The following PDE1A variants were observed in gnomAD, a reference collection of about 807,000 sequenced individuals.
The protein encoded by PDE1A is dual specificity calcium/calmodulin-dependent 3',5'-cyclic nucleotide phosphodiesterase 1A.
A neutral mutation model predicts 61.7 loss-of-function variants in PDE1A; 35 were observed. The observed-to-expected ratio is 0.57, with a 90% CI of 0.43 to 0.75. The LOEUF (loss-of-function observed/expected upper bound fraction) is 0.75. PDE1A is among the 30% of genes least tolerant of loss of function. The pLI, the probability that PDE1A is intolerant of heterozygous loss-of-function variation, is 0.00. For synonymous variants in PDE1A, 232 were observed against 213.2 expected (o/e 1.09, Z -0.77); for missense variants, 597 against 630.6 (o/e 0.95, Z 0.57).
the PDE1A span, among the ~76,000 whole-genome samples, chr2:182,620,200 CAATT>C: frequency 3.3e-5 from 5 of 151,516 alleles, no homozygotes; most frequent in Admixed American, 1.3e-4. Context: ...TAATAAATAA[CAATT>C]AATTGAGTCA....
At chr2:182,163,951 A>G (rs905769089), downstream of PDE1A, among the ~76,000 whole-genome samples, 1 of 152,094 alleles carries the variant, frequency 6.6e-6, no homozygotes, top group African/African-American at 2.4e-5. Context: ...GGTCTTTAGG[A>G]TTCTGGAATG....
At chr2:182,627,192 T>TA in the PDE1A span, among the ~76,000 whole-genome samples, 2 of 24,738 alleles carry the variant, frequency 8.1e-5, no homozygotes, top group African/African-American at 1.1e-4. Flanking sequence ...AAAATATAAA[T>TA]ATTATATTAT....
At chr2:182,344,437 A>C (rs1698388398) in intron 1 of PDE1A, among the ~76,000 whole-genome samples, 1 of 152,136 alleles carries the variant, frequency 6.6e-6, no homozygotes, top group South Asian at 2.1e-4. Flanking sequence ...CTTAATTATA[A>C]CATAATTTGA....
intron 7 of PDE1A, among the ~76,000 whole-genome samples, chr2:182,221,550 C>T (rs1047112610): frequency 5.9e-5 from 9 of 152,050 alleles, no homozygotes; most frequent in East Asian, 1.9e-4. Context: ...CAGACTCTGA[C>T]GTTTTCCTTT....
rs569064834 is a variant in PDE1A at position 182,387,730 on chromosome 2, C to T, written c.53+38848G>A. 1.5e-3 allele frequency among the ~76,000 whole-genome samples: 224 copies of T among 150,818 alleles called. 1 individual carries two copies. Among genetic ancestry groups the T allele is most frequent in the African/African-American group, 5.2e-3 (212 of 41,042 alleles). Reference sequence around the variant, plus strand: ...CAAGATCATACCATTGCACTCCAGTCTGGGTGACAAGAGTAAAACTCCATC... The same window carrying T: ...CAAGATCATACCATTGCACTCCAGTTTGGGTGACAAGAGTAAAACTCCATC... On this transcript the variant is annotated intron_variant, in intron 1 of 13. Transcript: ENST00000351439.
chr2:182,697,476 C>T, the PDE1A span, among the ~76,000 whole-genome samples: 1 of 152,178 alleles, frequency 6.6e-6, no homozygotes, highest in Non-Finnish European at 1.5e-5. Flanking sequence ...GCTTCCCTGT[C>T]CCAGTCCTTC....
intron 1 of PDE1A, among the ~76,000 whole-genome samples, chr2:182,398,196 T>C (rs1324873019): frequency 6.6e-6 from 1 of 152,018 alleles, no homozygotes; most frequent in Admixed American, 6.5e-5. Context: ...ACAGTTTTTG[T>C]TTAAAATGTA....
chr2:182,229,986 A>C lies in PDE1A; in HGVS notation c.675+20T>G. On this transcript the variant is annotated intron_variant, in intron 6 of 13. Coordinates refer to ENST00000351439, the Ensembl canonical transcript of PDE1A. ...GAATGCTTCCAAACTAACAAACCTC[A>C]GTTACAAAGACTGTCTTACCATGAT... is the stretch of plus-strand genomic sequence containing the variant. 2 of 1,592,538 alleles carry C rather than the reference A, an allele frequency of 1.3e-6. No individual in the cohort carries two copies. Among genetic ancestry groups the C allele is most frequent in the Non-Finnish European group, 1.7e-6 (2 of 1,167,404 alleles).
At chr2:182,528,028 A>G (rs1439187250), upstream of PDE1A, among the ~76,000 whole-genome samples, 1 of 152,072 alleles carries the variant, frequency 6.6e-6, no homozygotes, top group African/African-American at 2.4e-5. Flanking sequence ...ATGAAAATGG[A>G]CTAATACAGT....
At chr2:182,442,530 T>C (rs972905628) in intron 2 of PDE1A, among the ~76,000 whole-genome samples, 1 of 152,088 alleles carries the variant, frequency 6.6e-6, no homozygotes, top group Non-Finnish European at 1.5e-5. Flanking sequence ...TATGTGCAAA[T>C]GTGTGATAAA....
chr2:182,353,323 A>G (rs1668293074), intron 1 of PDE1A, among the ~76,000 whole-genome samples: 2 of 152,186 alleles, frequency 1.3e-5, no homozygotes, highest in Admixed American at 6.6e-5. Context: ...ACAAATACAA[A>G]TATACTTATG....
At chr2:182,445,731 C>T (rs1462868251) in intron 2 of PDE1A, among the ~76,000 whole-genome samples, 1 of 152,080 alleles carries the variant, frequency 6.6e-6, no homozygotes, top group Non-Finnish European at 1.5e-5. Context: ...TTTCCAGTTT[C>T]ATCCCTGCCA....
rs72310564 is a variant in PDE1A at position 182,466,040 on chromosome 2, T to TTGTG, written c.101+56232_101+56235dup. 1.5e-4 allele frequency among the ~76,000 whole-genome samples: 23 copies of TTGTG among 150,342 alleles called. No individual in the cohort carries two copies. The South Asian group carries it at 3.8e-3, about 25-fold the overall frequency. On this transcript the variant is annotated intron_variant, in intron 2 of 14. Transcript: ENST00000410103. ...GAATTTTAAGGTGTTGCCTACACTT[T>TTGTG]TGTGTGTGTGTGTGTGTAACCTGCC...
intron 1 of PDE1A, among the ~76,000 whole-genome samples, chr2:182,379,882 A>G (rs558323872): frequency 1.3e-5 from 2 of 152,170 alleles, no homozygotes; most frequent in African/African-American, 4.8e-5. Context: ...CTTTGTAGCA[A>G]TTCACAGGCA....
At chr2:182,236,327 T>C (rs548286697) in intron 3 of PDE1A, among the ~76,000 whole-genome samples, 1 of 151,142 alleles carries the variant, frequency 6.6e-6, no homozygotes, top group Non-Finnish European at 1.5e-5. Context: ...ATAATTACTA[T>C]CAACAGTGAT....
intron 1 of PDE1A, among the ~76,000 whole-genome samples, chr2:182,382,185 TTAG>T: frequency 6.6e-6 from 1 of 152,312 alleles, no homozygotes; most frequent in East Asian, 1.9e-4. Flanking sequence ...AGACTTAAAA[TTAG>T]TAGATTATCC....
intron 1 of PDE1A, chr2:182,522,402 T>C: frequency 6.2e-7 from 1 of 1,612,726 alleles, no homozygotes; most frequent in Non-Finnish European, 8.5e-7. Context: ...ACAATACAGT[T>C]ACAGTCAGTT....
At chr2:182,157,480 T>C (rs532920766) in intron 13 of PDE1A, among the ~76,000 whole-genome samples, 67 of 152,328 alleles carry the variant, frequency 4.4e-4, no homozygotes, top group African/African-American at 1.6e-3. Flanking sequence ...CTATAGACTC[T>C]AAGACCCAAT....
At chr2:182,199,251 C>T (rs893237575) in intron 10 of PDE1A, among the ~76,000 whole-genome samples, 4 of 151,672 alleles carry the variant, frequency 2.6e-5, no homozygotes, top group African/African-American at 7.3e-5. Context: ...ATTACTTTTT[C>T]GGAGAGCCAA....
Sources: allele counts gnomAD v4.1 joint callset (sites outside exome capture counted in the v4.1 genomes callset), GRCh38; gene constraint gnomAD v4.1.1; transcripts MANE v1.5; gene names NCBI Gene and HGNC (gene_info 2026-07-23, HGNC 2026-07-21).